AKR1E2: variants seen among roughly 807,000 people sequenced by gnomAD.
The protein encoded by AKR1E2 is 1,5-anhydro-D-fructose reductase.
In AKR1E2, 43 loss-of-function variants were observed where a neutral mutation model predicts 41.9. That is an observed-to-expected ratio of 1.03 (90% CI 0.80 to 1.32). The LOEUF is 1.32. Among genes scored for constraint, AKR1E2 ranks in the 40% most tolerant of loss-of-function variants. The pLI, the probability that AKR1E2 is intolerant of heterozygous loss-of-function variation, is 0.00. For synonymous variants in AKR1E2, 121 were observed against 138.9 expected, an observed-to-expected ratio of 0.87 and a Z score of 0.91; for missense variants, 423 against 396.5, an observed-to-expected ratio of 1.07 and a Z score of -0.57.
chr10:4,849,708 A>T (rs1834486869), downstream of AKR1E2, among the ~76,000 whole-genome samples: 1 of 152,200 alleles, frequency 6.6e-6, no homozygotes, highest in Admixed American at 6.5e-5. Context: ...CAGTAGCGTG[A>T]GTTGGTTAAC....
At chr10:4,846,841 G>A (rs1249304899) in intron 8 of AKR1E2, among the ~76,000 whole-genome samples, 11 of 152,172 alleles carry the variant, frequency 7.2e-5, no homozygotes, top group Admixed American at 7.2e-4. Context: ...ACCGCGCCCA[G>A]CCGCTATAAC....
chr10:4,843,692 G>A (rs901324589), intron 8 of AKR1E2, among the ~76,000 whole-genome samples: 3 of 152,234 alleles, frequency 2.0e-5, no homozygotes, highest in African/African-American at 7.2e-5. Flanking sequence ...GGCTGCAGGT[G>A]GGCATAGCCC....
At chr10:4,853,250 A>G in the AKR1E2 span, among the ~76,000 whole-genome samples, 1 of 152,316 alleles carries the variant, frequency 6.6e-6, no homozygotes, top group East Asian at 1.9e-4. Context: ...TAGATTTCAT[A>G]TCTGAGTCTG....
intron 5 of AKR1E2, among the ~76,000 whole-genome samples, chr10:4,838,605 G>A (rs1833622152): frequency 6.6e-6 from 1 of 152,158 alleles, no homozygotes; most frequent in South Asian, 2.1e-4. Context: ...ATTTTTGCAA[G>A]TGAACAAACT....
the AKR1E2 span, among the ~76,000 whole-genome samples, chr10:4,855,457 A>G: frequency 2.4e-3 from 366 of 152,254 alleles, 2 homozygotes; most frequent in African/African-American, 8.5e-3. Flanking sequence ...AAAAAACCGG[A>G]TGAGGTTTCC....
At chr10:4,868,569 G>A in the AKR1E2 span, among the ~76,000 whole-genome samples, 30,032 of 152,104 alleles carry the variant, frequency 0.2, 3,135 homozygotes, top group Middle Eastern at 0.33. Flanking sequence ...TTGTCTTACT[G>A]TATTGGCTAA....
chr10:4,862,279 C>A, the AKR1E2 span, among the ~76,000 whole-genome samples: 1 of 152,056 alleles, frequency 6.6e-6, no homozygotes, highest in African/African-American at 2.4e-5. Flanking sequence ...TGTTCTGTTC[C>A]ATTGGTCTAT....
intron 2 of AKR1E2, among the ~76,000 whole-genome samples, chr10:4,831,349 C>T (rs1055320354): frequency 1.3e-5 from 2 of 152,070 alleles, no homozygotes; most frequent in Non-Finnish European, 2.9e-5. Flanking sequence ...TGCTGCTGTA[C>T]GAACATACCT....
chr10:4,856,956 T>A, the AKR1E2 span, among the ~76,000 whole-genome samples: 4 of 152,148 alleles, frequency 2.6e-5, no homozygotes, highest in Non-Finnish European at 5.9e-5. Flanking sequence ...AGTATTTTCA[T>A]CTTCTCCAGC....
chr10:4,837,518 C>A lies in AKR1E2; in HGVS notation c.519C>A (p.Asn173Lys). The change falls in exon 5 of 10, where the codon AAC (asparagine) becomes AAA (lysine). Residue 173 changes from asparagine to lysine, a missense_variant. Transcript: ENST00000298375. ...AGAACATCGGGGTGTCAAACTTCAA[C>A]CATGAACAGCTTGAGAGGCTTTTGA... Reference protein sequence around the residue: ...LVKNIGVSNFNHEQLERLLNK... With the variant: ...LVKNIGVSNFKHEQLERLLNK... The A allele has an allele frequency of 6.2e-7, 1 of 1,612,188 alleles. No individual in the cohort carries two copies. The highest frequency in any genetic ancestry group is 1.1e-5 in the South Asian group (1 of 91,044).
chr10:4,836,727 T>A (rs1833457440), intron 4 of AKR1E2, among the ~76,000 whole-genome samples: 1 of 152,140 alleles, frequency 6.6e-6, no homozygotes, highest in South Asian at 2.1e-4. Context: ...GTCACAATGT[T>A]TTAGGTCCTA....
intron 3 of AKR1E2, among the ~76,000 whole-genome samples, chr10:4,835,215 A>G (rs1833305358): frequency 1.3e-5 from 2 of 152,034 alleles, no homozygotes; most frequent in Non-Finnish European, 1.5e-5. Flanking sequence ...TCTGCCCTCT[A>G]CCTCCTGTGT....
At position 4,848,014 on chromosome 10, in the gene AKR1E2, C is replaced by T. The variant is rs1365411790; in HGVS notation, c.*484C>T. The T allele has an allele frequency of 6.5e-6, 1 of 153,900 alleles. No individual in the cohort carries two copies. Among genetic ancestry groups the T allele is most frequent in the African/African-American group, 2.4e-5 (1 of 41,272 alleles). 9.5% of individuals were successfully genotyped at this position (153,900 alleles called of 1,614,324 possible). On this transcript the variant is annotated 3_prime_UTR_variant, in exon 10 of 10. Transcript: ENST00000298375. ...CAGTGAGAAGGAAAATGGGATAAGT[C>T]TGGGACACTGTTTCAGTTCAATAAA...
chr10:4,826,235 C>T lies in AKR1E2; in HGVS notation c.-90C>T, dbSNP rs568064687. 5.3e-5 allele frequency: 57 copies of T among 1,081,968 alleles called. No homozygotes were observed. In the Middle Eastern group the frequency reaches 2.7e-3, roughly 52 times the overall value. The allele number at this position is 1,081,968 out of a possible 1,614,324, so 67.0% of individuals were successfully genotyped here. ...ACAAGGCACTTCCAGCCAGTCGCAA[C>T]GGCGGGTCGCCAGCGCCGCAGTAGC... On this transcript the variant is annotated 5_prime_UTR_variant, in exon 1 of 10. It adds an upstream start codon to the 5' untranslated region. Transcript: ENST00000298375.
chr10:4,827,849 T>C (rs112800762), intron 1 of AKR1E2, among the ~76,000 whole-genome samples: 49 of 152,346 alleles, frequency 3.2e-4, no homozygotes, highest in African/African-American at 1.1e-3. Flanking sequence ...GATTAAACTG[T>C]TGAGTCTCTT....
At chr10:4,835,396 A>G (rs1046999659) in intron 3 of AKR1E2, among the ~76,000 whole-genome samples, 9 of 152,214 alleles carry the variant, frequency 5.9e-5, no homozygotes, top group Admixed American at 2.0e-4. Context: ...TCTGGAGGCA[A>G]TGGGAGAGGA....
chr10:4,828,179 G>A (rs1340143721), intron 1 of AKR1E2, among the ~76,000 whole-genome samples: 3 of 152,200 alleles, frequency 2.0e-5, no homozygotes, highest in Non-Finnish European at 4.4e-5. Context: ...CCACACGGGA[G>A]GTCAGGAGAG....
downstream of AKR1E2, chr10:4,848,078 CTT>C (rs60725002): frequency 8.5e-4 from 112 of 131,472 alleles, no homozygotes; most frequent in South Asian, 2.2e-3. Flanking sequence ...ATTTTAATTT[CTT>C]TTTTTTTTTT....
Position 4,847,801 on chromosome 10 carries a change from T to G in AKR1E2, c.*271T>G. On this transcript the variant is annotated 3_prime_UTR_variant, in exon 10 of 10. Transcript: ENST00000298375. Reference sequence around the variant, plus strand: ...TCATCAGTGAAATTTGCCTTCACATTTTAAGAAAACTTTATCTTATGGAGT... The same window carrying G: ...TCATCAGTGAAATTTGCCTTCACATGTTAAGAAAACTTTATCTTATGGAGT... The G allele has an allele frequency of 2.1e-6, 1 of 470,192 alleles. No individual in the cohort carries two copies. Among genetic ancestry groups the G allele is most frequent in the Admixed American group, 3.9e-5 (1 of 25,848 alleles). The allele number at this position is 470,192 out of a possible 1,614,324, so 29.1% of individuals were successfully genotyped here. A position where few individuals can be genotyped will look rare whatever the true frequency, so the allele number is the denominator to read the frequency against.
Sources: allele counts gnomAD v4.1 joint callset (sites outside exome capture counted in the v4.1 genomes callset), GRCh38; gene constraint gnomAD v4.1.1; transcripts MANE v1.5; gene names NCBI Gene and HGNC (gene_info 2026-07-23, HGNC 2026-07-21).